The following SYNE1 variants were observed in gnomAD, a reference collection of about 807,000 sequenced individuals.
The protein encoded by SYNE1 is spectrin repeat containing nuclear envelope protein 1.
Under a neutral mutation model 1,111.0 loss-of-function variants are expected in SYNE1, and 616 were observed. The ratio of observed to expected loss-of-function variants is 0.55; its 90% CI spans 0.52 to 0.59. The LOEUF (loss-of-function observed/expected upper bound fraction) is 0.59, where lower values mean the gene tolerates loss of function less well. SYNE1 is among the 20% of genes least tolerant of loss of function. The probability of loss-of-function intolerance (pLI) is 0.00; values close to 1 mark genes in which losing one functional copy is unlikely to be tolerated. For synonymous variants in SYNE1, 3,855 were observed against 3,825.8 expected, an observed-to-expected ratio of 1.01 and a Z score of -0.28; for missense variants, 10,006 against 10,417.0, an observed-to-expected ratio of 0.96 and a Z score of 1.72.
Position 152,143,677 on chromosome 6 carries a change from G to A in SYNE1, c.25065C>T (p.Ile8355=). ...SRFQIQQTEN[I]IRSKTPTGPE... is the part of the protein sequence containing the mutation. ...GCCCCGTGGGAGTTTTGCTGCGAAT[G>A]ATATTTTCGGTTTGCTGTATCTGAA... Residue 8355 remains isoleucine, a synonymous_variant, in exon 138 of 146, where the codon ATC becomes ATT. Coordinates refer to ENST00000367255, the MANE Select transcript of SYNE1 (RefSeq NM_182961.4). The A allele has an allele frequency of 6.2e-7, 1 of 1,614,216 alleles. No individual in the cohort carries two copies. Among genetic ancestry groups the A allele is most frequent in the South Asian group, 1.1e-5 (1 of 91,080 alleles).
In SYNE1 at chr6:152,424,794, A is replaced by G. The variant is rs191819430; in HGVS notation, c.5267+587T>C. Among the ~76,000 whole-genome samples the G allele has an allele frequency of 5.3e-5, 8 of 152,360 alleles. No individual in the cohort carries two copies. In the East Asian group the frequency reaches 1.5e-3, roughly 29 times the overall value. On this transcript the variant is annotated intron_variant, in intron 39 of 145. Transcript: ENST00000367255. Reference sequence around the variant, plus strand: ...AAGTCAATAAATATTTGCTGAATGAATTAATTTTTTAAATGGTCAGAAAGG... The same window carrying G: ...AAGTCAATAAATATTTGCTGAATGAGTTAATTTTTTAAATGGTCAGAAAGG...
chr6:152,280,860 A>G (rs1210336877), intron 97 of SYNE1, among the ~76,000 whole-genome samples: 1 of 152,218 alleles, frequency 6.6e-6, no homozygotes, highest in Non-Finnish European at 1.5e-5. Context: ...ATACACATAG[A>G]TAAGTTTCCT....
At chr6:152,380,947 T>C in intron 56 of SYNE1, 59 bp downstream of exon 56, 1 of 1,549,472 alleles carries the variant, frequency 6.5e-7, no homozygotes, top group Non-Finnish European at 8.9e-7. Flanking sequence ...TAAGGAATGA[T>C]GAAAGTCAAA....
chr6:152,350,797 G>T (rs1276199502), intron 70 of SYNE1, 27 bp from the exon 71 acceptor site: 2 of 1,613,594 alleles, frequency 1.2e-6, no homozygotes, highest in Non-Finnish European at 1.7e-6. Flanking sequence ...AAAAAAATGA[G>T]CCTGCTCATC....
chr6:152,385,117 T>C (rs1455148067), intron 55 of SYNE1, among the ~76,000 whole-genome samples: 1 of 152,144 alleles, frequency 6.6e-6, no homozygotes, highest in Non-Finnish European at 1.5e-5. Flanking sequence ...ATGATTACAA[T>C]TTAATATTTA....
At chr6:152,270,952 G>A (rs544342386) in intron 98 of SYNE1, among the ~76,000 whole-genome samples, 2 of 152,332 alleles carry the variant, frequency 1.3e-5, no homozygotes, top group Admixed American at 6.5e-5. Context: ...ATTTCAGAGA[G>A]AACAGAGCAG....
At chr6:152,585,562 T>C (rs2099535187) in intron 3 of SYNE1, among the ~76,000 whole-genome samples, 2 of 152,262 alleles carry the variant, frequency 1.3e-5, no homozygotes, top group Admixed American at 6.5e-5. Context: ...TACAAAATTA[T>C]ATAACTTCTG....
Position 152,294,332 on chromosome 6 carries a change from T to C in SYNE1, c.17683-205A>G, listed in dbSNP as rs374271024. ...CACTGTAATTGTTTCAGAATTTTGG[T>C]TTATATATATCAAAAAACAACTTTA... On this transcript the variant is annotated intron_variant, in intron 93 of 145. Transcript: ENST00000367255. 2.0e-3 allele frequency among the ~76,000 whole-genome samples: 302 copies of C among 152,302 alleles called. 2 individuals carry two copies. The highest frequency in any genetic ancestry group is 6.7e-3 in the African/African-American group (278 of 41,564).
intron 97 of SYNE1, among the ~76,000 whole-genome samples, chr6:152,279,961 A>G: frequency 6.6e-6 from 1 of 152,304 alleles, no homozygotes; most frequent in East Asian, 1.9e-4. Flanking sequence ...AATCAAAAGA[A>G]AAAAACTGAA....
intron 28 of SYNE1, among the ~76,000 whole-genome samples, chr6:152,449,303 A>C (rs1489566914): frequency 2.0e-5 from 3 of 152,212 alleles, no homozygotes; most frequent in African/African-American, 7.2e-5. Flanking sequence ...CCATTAGTTA[A>C]AGATGCATTT....
rs1187151745 is a variant in SYNE1 at position 152,334,122 on chromosome 6, T to C, written c.12680A>G (p.Asn4227Ser). ...ATCCTCTTCCCTTTGCAAGCACAGG[T>C]TGTTAGACTGACGGCACAAATCGAG... ...QWLDLCRQSN[N>S]LCLQREEDLQ... The change falls in exon 77 of 146, where the codon AAC (asparagine) becomes AGC (serine). Residue 4227 changes from asparagine to serine, a missense_variant. Asn to Ser is a conservative substitution (Grantham distance 46). Transcript: ENST00000367255. 1.2e-6 allele frequency: 2 copies of C among 1,614,168 alleles called. No individual in the cohort carries two copies. Among genetic ancestry groups the C allele is most frequent in the Non-Finnish European group, 1.7e-6 (2 of 1,180,028 alleles).
chr6:152,474,850 C>T lies in SYNE1; in HGVS notation c.1351-2437G>A, dbSNP rs184637864. ...AACTTTCTTGCTAGTAGAAATAAAA[C>T]CATGGAATAAGAAAAATGAGGAAGG... On this transcript the variant is annotated intron_variant, in intron 14 of 145. Coordinates refer to ENST00000367255, the MANE Select transcript of SYNE1 (RefSeq NM_182961.4). Among the ~76,000 whole-genome samples, 9 of 152,018 alleles carry T rather than the reference C, an allele frequency of 5.9e-5. No homozygotes were observed. The East Asian group carries it at 1.5e-3, about 26-fold the overall frequency.
At position 152,316,899 on chromosome 6, in the gene SYNE1, T is replaced by C. The variant is rs886044471; in HGVS notation, c.16660A>G (p.Ile5554Val). 32 of 1,614,074 alleles carry C rather than the reference T, an allele frequency of 2.0e-5. No homozygotes were observed. The highest frequency in any genetic ancestry group is 2.5e-5 in the Non-Finnish European group (29 of 1,180,026). Residue 5554 changes from isoleucine to valine, a missense_variant, in exon 87 of 146, where the codon ATT (isoleucine) becomes GTT (valine). Coordinates refer to ENST00000367255, the MANE Select transcript of SYNE1 (RefSeq NM_182961.4). ...AGCTGGCTTGCAGAATTCCATGCAA[T>C]AGTTCCATGAGCCAAGACTTTAGCT... ...EKAKVLAHGT[I>V]AWNSASQLRE...
intron 120 of SYNE1, among the ~76,000 whole-genome samples, chr6:152,218,679 T>C (rs2079338631): frequency 6.6e-6 from 1 of 152,244 alleles, no homozygotes; most frequent in Non-Finnish European, 1.5e-5. Context: ...CTGAAAAATC[T>C]TCTGATTCTT....
intron 14 of SYNE1, chr6:152,481,391 T>C (rs115610513): frequency 0.03 from 8,627 of 284,686 alleles, 191 homozygotes; most frequent in Middle Eastern, 0.049. Flanking sequence ...ATATACATTC[T>C]ACATTTCATT....
chr6:152,369,340 A>G (rs2097138249), intron 60 of SYNE1, 131 bp downstream of exon 60: 1 of 1,458,484 alleles, frequency 6.9e-7, no homozygotes, highest in South Asian at 1.2e-5. Flanking sequence ...ATCCACCAGA[A>G]ATGGGGAAAA....
Position 152,318,100 on chromosome 6 carries a change from C to T in SYNE1, c.16553G>A (p.Arg5518Gln), listed in dbSNP as rs150604289. ...ACATACCTGATTGAGCTTGGAGAGCCGATTCTCAGCTTGTCTAATGGTCTG... is the reference window on the plus strand; with the variant it reads ...ACATACCTGATTGAGCTTGGAGAGCTGATTCTCAGCTTGTCTAATGGTCTG... Reference protein sequence around the residue: ...HQQTIRQAENRLSKLNQAASH... With the variant: ...HQQTIRQAENQLSKLNQAASH... Residue 5518 changes from arginine (R) to glutamine (Q), a missense_variant, in exon 86 of 146, where the codon CGG becomes CAG. Around this residue, in one of 7 missense-constraint regions of SYNE1, gnomAD observed 4,955 missense variants for 5,017.2 expected, o/e 0.99. Transcript: ENST00000367255. 3.0e-5 allele frequency: 48 copies of T among 1,614,024 alleles called. No homozygotes were observed. Among genetic ancestry groups the T allele is most frequent in the Admixed American group, 6.7e-5 (4 of 59,996 alleles).
In SYNE1 at chr6:152,321,354, T is replaced by C. The variant is rs776154043; in HGVS notation, c.16120A>G (p.Ile5374Val). The change falls in exon 84 of 146, where the codon ATT (isoleucine) becomes GTT (valine). Residue 5374 changes from isoleucine to valine, a missense_variant. Transcript: ENST00000367255. ...TTCTGTTCTTCTGCCATTTTTTCAA[T>C]GTTCTGTCGGTGATTTGTGGCTTCT... ...LTEATNHRQN[I>V]EKMAEEQKEK... 3.7e-6 allele frequency: 6 copies of C among 1,613,810 alleles called. No individual in the cohort carries two copies. Among genetic ancestry groups the C allele is most frequent in the South Asian group, 2.2e-5 (2 of 91,074 alleles).
chr6:152,623,202 A>C (rs2099679326), intron 3 of SYNE1, among the ~76,000 whole-genome samples: 1 of 152,066 alleles, frequency 6.6e-6, no homozygotes, highest in African/African-American at 2.4e-5. Context: ...ACCACATAGC[A>C]ACAAACATCT....
Sources: gnomAD v4.1 joint callset for allele counts (sites outside exome capture counted in the v4.1 genomes callset) on GRCh38, gnomAD v4.1.1 for gene constraint, gnomAD v4.1.1 regional missense constraint, MANE v1.5 for transcripts, NCBI Gene and HGNC (gene_info 2026-07-23, HGNC 2026-07-21) for gene names.